EYA2: variants seen among roughly 807,000 people sequenced by gnomAD.
EYA2 encodes the protein EYA transcriptional coactivator and phosphatase 2.
A neutral mutation model predicts 69.2 loss-of-function variants in EYA2; 31 were observed. The observed-to-expected ratio is 0.45, with a 90% CI of 0.34 to 0.60. The LOEUF (loss-of-function observed/expected upper bound fraction) is 0.60, where lower values mean the gene tolerates loss of function less well. EYA2 is among the 20% of genes least tolerant of loss of function. The pLI is 0.02. For synonymous variants in EYA2, 257 were observed against 279.4 expected, an observed-to-expected ratio of 0.92 and a Z score of 0.80; for missense variants, 622 against 701.2, an observed-to-expected ratio of 0.89 and a Z score of 1.28.
intron 9 of EYA2, among the ~76,000 whole-genome samples, chr20:47,099,310 C>T (rs930909118): frequency 2.6e-5 from 4 of 152,180 alleles, no homozygotes; most frequent in Non-Finnish European, 5.9e-5. Context: ...TTCGGGAGGC[C>T]GAAGTGAGAG....
chr20:47,096,667 T>C (rs1395041976), intron 8 of EYA2, among the ~76,000 whole-genome samples: 3 of 152,214 alleles, frequency 2.0e-5, no homozygotes, highest in Non-Finnish European at 4.4e-5. Flanking sequence ...GGTATAAATA[T>C]GTTACTTAGA....
chr20:47,027,010 T>TTTC (rs10637191), intron 5 of EYA2, among the ~76,000 whole-genome samples: 134,474 of 152,094 alleles, frequency 0.88, 60,163 homozygotes, highest in Non-Finnish European at 0.97. Flanking sequence ...TGCTCCATAT[T>TTTC]TTAACTGAAC....
chr20:47,089,640 TC>T (rs1478883317), intron 8 of EYA2, among the ~76,000 whole-genome samples: 1 of 152,204 alleles, frequency 6.6e-6, no homozygotes, highest in African/African-American at 2.4e-5. Context: ...TTGCTGGGCC[TC>T]AGCCCAAGAG....
intron 5 of EYA2, among the ~76,000 whole-genome samples, chr20:47,021,525 G>A (rs960942283): frequency 1.3e-5 from 2 of 151,866 alleles, no homozygotes; most frequent in African/African-American, 4.8e-5. Context: ...TACTTGGGAG[G>A]CTGAGGCAGG....
chr20:47,097,374 A>G (rs2032281368), intron 9 of EYA2, among the ~76,000 whole-genome samples: 1 of 152,184 alleles, frequency 6.6e-6, no homozygotes, highest in Non-Finnish European at 1.5e-5. Flanking sequence ...ATTGTCTTCC[A>G]TGCCTTTTCT....
intron 9 of EYA2, among the ~76,000 whole-genome samples, chr20:47,105,603 C>T (rs903736823): frequency 3.7e-5 from 5 of 134,456 alleles, no homozygotes; most frequent in East Asian, 2.2e-4. Context: ...CCAGCCTGGG[C>T]GACAGAGCAA....
intron 1 of EYA2, among the ~76,000 whole-genome samples, chr20:46,946,241 C>T (rs1276520437): frequency 1.3e-5 from 2 of 152,174 alleles, no homozygotes; most frequent in Non-Finnish European, 2.9e-5. Flanking sequence ...TACTTCTAAG[C>T]TCAAAGCCCT....
At chr20:46,914,644 G>A (rs969124719) in intron 1 of EYA2, among the ~76,000 whole-genome samples, 5 of 152,154 alleles carry the variant, frequency 3.3e-5, no homozygotes, top group African/African-American at 1.2e-4. Context: ...AGACTAGGAT[G>A]GGAGAAACCA....
intron 9 of EYA2, among the ~76,000 whole-genome samples, chr20:47,103,163 A>G (rs1292774876): frequency 6.6e-6 from 1 of 152,150 alleles, no homozygotes; most frequent in Admixed American, 6.5e-5. Context: ...AGTAATTTTT[A>G]GTATATTCAC....
At chr20:46,924,669 C>CAAAAAAAAAAAAA (rs10568771) in intron 1 of EYA2, among the ~76,000 whole-genome samples, 2 of 88,372 alleles carry the variant, frequency 2.3e-5, no homozygotes, top group Admixed American at 1.1e-4. Context: ...GACTCCATCT[C>CAAAAAAAAAAAAA]AAAAAAAAAA....
intron 1 of EYA2, among the ~76,000 whole-genome samples, chr20:46,938,594 G>A (rs1986020673): frequency 6.6e-6 from 1 of 152,146 alleles, no homozygotes. Flanking sequence ...CCTCTTCATG[G>A]GGCTGGGGCT....
At chr20:46,980,665 G>A (rs1445143169) in intron 1 of EYA2, among the ~76,000 whole-genome samples, 1 of 152,078 alleles carries the variant, frequency 6.6e-6, no homozygotes, top group East Asian at 1.9e-4. Flanking sequence ...ATAAACTATT[G>A]TTAATTATAG....
intron 1 of EYA2, among the ~76,000 whole-genome samples, chr20:46,967,333 G>C (rs1979853235): frequency 6.6e-6 from 1 of 152,228 alleles, no homozygotes; most frequent in Non-Finnish European, 1.5e-5. Flanking sequence ...CACATTTCAA[G>C]TCACCTGTGG....
At chr20:47,174,564 T>G (rs1016145037) in intron 12 of EYA2, among the ~76,000 whole-genome samples, 2 of 152,198 alleles carry the variant, frequency 1.3e-5, no homozygotes, top group African/African-American at 4.8e-5. Context: ...ATCCGTTCTT[T>G]GGGACAGACT....
intron 6 of EYA2, 91 bp downstream of exon 6, chr20:47,072,343 A>C: frequency 2.4e-6 from 3 of 1,258,200 alleles, no homozygotes; most frequent in Non-Finnish European, 3.4e-6. Flanking sequence ...CGACACACAC[A>C]ATCCCCATTG....
intron 12 of EYA2, among the ~76,000 whole-genome samples, chr20:47,173,523 A>C (rs1026324264): frequency 6.6e-6 from 1 of 151,334 alleles, no homozygotes; most frequent in Non-Finnish European, 1.5e-5. Context: ...AAAAAAAAAA[A>C]AAAAAAAAAC....
intron 1 of EYA2, among the ~76,000 whole-genome samples, chr20:46,900,011 T>C (rs558503539): frequency 2.0e-5 from 3 of 152,236 alleles, no homozygotes; most frequent in African/African-American, 7.2e-5. Context: ...AGAAACTCTT[T>C]TGTCATTTGG....
intron 5 of EYA2, among the ~76,000 whole-genome samples, chr20:47,069,829 T>G (rs1010962891): frequency 1.3e-5 from 2 of 148,986 alleles, no homozygotes; most frequent in South Asian, 4.2e-4. Flanking sequence ...TGTGTGTATA[T>G]GTATATATAC....
intron 9 of EYA2, among the ~76,000 whole-genome samples, chr20:47,132,707 T>G (rs922782234): frequency 1.3e-5 from 2 of 152,184 alleles, no homozygotes; most frequent in Non-Finnish European, 2.9e-5. Context: ...ATGGATACCT[T>G]GTGAATGATG....
Sources: allele counts gnomAD v4.1 joint callset (sites outside exome capture counted in the v4.1 genomes callset), GRCh38; gene constraint gnomAD v4.1.1; transcripts MANE v1.5; gene names NCBI Gene and HGNC (gene_info 2026-07-23, HGNC 2026-07-21).